The following HEXA variants were observed in gnomAD, a reference collection of about 807,000 sequenced individuals.
HEXA encodes hexosaminidase subunit alpha.
Under a neutral mutation model 73.3 loss-of-function variants are expected in HEXA, and 54 were observed. The observed-to-expected ratio is 0.74, with a 90% CI of 0.59 to 0.92. The LOEUF (loss-of-function observed/expected upper bound fraction) is 0.92, where lower values mean the gene tolerates loss of function less well. Among genes scored for constraint, HEXA ranks in the 40% least tolerant of loss-of-function variants. HEXA has a pLI of 0.00. For synonymous variants in HEXA, 230 were observed against 246.9 expected, an observed-to-expected ratio of 0.93 and a Z score of 0.64; for missense variants, 649 against 653.0, an observed-to-expected ratio of 0.99 and a Z score of 0.07.
intron 13 of HEXA, among the ~76,000 whole-genome samples, chr15:72,344,585 C>A (rs757960076): frequency 6.6e-6 from 1 of 152,134 alleles, no homozygotes; most frequent in South Asian, 2.1e-4. Context: ...AACATGGATG[C>A]GAAATCCTGT....
At chr15:72,363,521 C>A (rs1231563934) in intron 1 of HEXA, among the ~76,000 whole-genome samples, 2 of 152,194 alleles carry the variant, frequency 1.3e-5, no homozygotes, top group African/African-American at 4.8e-5. Context: ...TGTCAAACTT[C>A]TTATCCCAGT....
chr15:72,355,552 T>C lies in HEXA; in HGVS notation c.412+7A>G, dbSNP rs2088764993. 2 of 1,589,924 alleles carry C rather than the reference T, an allele frequency of 1.3e-6. No individual in the cohort carries two copies. The highest frequency in any genetic ancestry group is 1.7e-4 in the Middle Eastern group (1 of 6,014). On this transcript the variant is annotated splice_region_variant and intron_variant, in intron 3 of 13. Coordinates refer to ENST00000268097, the MANE Select transcript of HEXA (RefSeq NM_000520.6). ...TCTCTCTCTTTTAATCAGCCCCAAT[T>C]TGTTACCTCGGAGAGCTCCCCAGAC... is the stretch of plus-strand genomic sequence containing the variant.
At position 72,356,599 on chromosome 15, in the gene HEXA, T is replaced by A. The variant is rs753159773; in HGVS notation, c.272A>T (p.Glu91Val). 6.2e-7 allele frequency: 1 copy of A among 1,614,110 alleles called. No homozygotes were observed. Among genetic ancestry groups the A allele is most frequent in the Non-Finnish European group, 8.5e-7 (1 of 1,179,984 alleles). ...PYLTGKRHTL[E>V]KNVLVVSVVT... The stretch of plus-strand genomic sequence containing the variant: ...TACAGAGACAACCAACACATTCTTC[T>A]CCAGTGTATGCCGTTTCCCTAGGAA... The change falls in exon 2 of 14, where the codon GAG (glutamate) becomes GTG (valine). Residue 91 changes from glutamate to valine, a missense_variant. Physicochemically the swap from Glu to Val is moderately radical, Grantham distance 121. Transcript: ENST00000268097.
chr15:72,367,791 T>C (rs548956791), intron 1 of HEXA, among the ~76,000 whole-genome samples: 3 of 152,228 alleles, frequency 2.0e-5, no homozygotes, highest in African/African-American at 7.2e-5. Context: ...GTAGGCCTTT[T>C]CCACGCGCAG....
chr15:72,355,937 G>A, intron 2 of HEXA: 1 of 498,652 alleles, frequency 2.0e-6, no homozygotes, highest in Non-Finnish European at 3.9e-6. Flanking sequence ...ACAGCAGAAA[G>A]ATGAAAGAAG....
chr15:72,356,437 A>AGCATCAGCAGTTTAGGCCAG (rs1312562237), intron 2 of HEXA, 88 bp downstream of exon 2: 53 of 1,428,700 alleles, frequency 3.7e-5, no homozygotes, highest in Admixed American at 7.3e-5. Flanking sequence ...CTCCAGGCCG[A>AGCATCAGCAGTTTAGGCCAG]GCATCAGCAG....
chr15:72,345,533 A>G lies in HEXA; in HGVS notation c.1439T>C (p.Val480Ala), dbSNP rs376929315. The G allele has an allele frequency of 8.1e-6, 13 of 1,614,124 alleles. No homozygotes were observed. The highest frequency in any genetic ancestry group is 1.1e-5 in the South Asian group (1 of 91,094). Residue 480 changes from valine to alanine, a missense_variant, in exon 13 of 14, where the codon GTT becomes GCT. Physicochemically the swap from Val to Ala is moderately conservative, Grantham distance 64. Transcript: ENST00000268097. ...VPRLWPRAGA[V>A]AERLWSNKLT... is the part of the protein sequence containing the mutation. ...CTTGTTGCTCCACAGCCTTTCGGCA[A>G]CAGCCCCTGCTCTGGGCCTGGAGGA... is the stretch of plus-strand genomic sequence containing the variant.
Position 72,343,997 on chromosome 15 carries a change from C to CG in HEXA, c.*79dup, listed in dbSNP as rs751432099. The CG allele has an allele frequency of 8.0e-7, 1 of 1,245,934 alleles. No individual in the cohort carries two copies. The allele number at this position is 1,245,934 out of a possible 1,614,324, so 77.2% of individuals were successfully genotyped here. ...CAAGGGGCACGAAGGCAAGGGGCTC[C>CG]GTCCCCTGGCCAGGATGCAGTGGAA... On this transcript the variant is annotated 3_prime_UTR_variant, in exon 14 of 14. Transcript: ENST00000268097.
rs8037749 is a variant in HEXA at position 72,345,787 on chromosome 15, T to C, written c.1422-237A>G. ...CCACTCTCTTCCTCTCTCAAAGATATGGGAATAAGAATAAACCTTAAAGCC... is the reference window on the plus strand; with the variant it reads ...CCACTCTCTTCCTCTCTCAAAGATACGGGAATAAGAATAAACCTTAAAGCC... On this transcript the variant is annotated intron_variant, in intron 12 of 13. Coordinates refer to ENST00000268097, the MANE Select transcript of HEXA (RefSeq NM_000520.6). 570,172 of 593,996 alleles carry C rather than the reference T, an allele frequency of 0.96. 277,431 individuals are homozygous for C. The highest frequency in any genetic ancestry group is 1 in the East Asian group (34,175 of 34,182). The allele number at this position is 593,996 out of a possible 1,614,324, so 36.8% of individuals were successfully genotyped here. A position where few individuals can be genotyped will look rare whatever the true frequency, so the allele number is the denominator to read the frequency against.
intron 10 of HEXA, among the ~76,000 whole-genome samples, chr15:72,347,251 T>C (rs1002714845): frequency 6.0e-5 from 5 of 82,982 alleles, no homozygotes; most frequent in African/African-American, 1.5e-4. Flanking sequence ...CTCTGACACA[T>C]AAACCCAGGG....
chr15:72,344,880 G>T (rs769597319), intron 13 of HEXA, among the ~76,000 whole-genome samples: 6 of 152,220 alleles, frequency 3.9e-5, no homozygotes, highest in Non-Finnish European at 8.8e-5. Flanking sequence ...ATGACATCCT[G>T]TAAGTCAGCC....
chr15:72,344,274 T>C (rs1567294673), intron 13 of HEXA, 134 bp from the exon 14 acceptor site: 2 of 702,308 alleles, frequency 2.8e-6, no homozygotes, highest in South Asian at 1.5e-5. Flanking sequence ...CAAATGCACC[T>C]GGGAATCTCA....
chr15:72,348,760 G>C (rs1250895998), intron 8 of HEXA, among the ~76,000 whole-genome samples: 5 of 152,152 alleles, frequency 3.3e-5, no homozygotes. Flanking sequence ...TCTTCAACTA[G>C]ACAATTTTAA....
intron 3 of HEXA, chr15:72,354,229 C>G (rs2088741900): frequency 1.2e-5 from 2 of 164,498 alleles, no homozygotes; most frequent in African/African-American, 4.8e-5. Context: ...ATGGCTGGAC[C>G]TAGAAGATAA....
At chr15:72,375,082 G>T (rs1356620926) in intron 1 of HEXA, among the ~76,000 whole-genome samples, 1 of 141,772 alleles carries the variant, frequency 7.1e-6, no homozygotes, top group Non-Finnish European at 1.6e-5. Context: ...GTTTTGTTTT[G>T]TTTGGGGGGG....
intron 1 of HEXA, chr15:72,362,339 T>G: frequency 7.4e-6 from 3 of 406,962 alleles, no homozygotes; most frequent in Non-Finnish European, 1.5e-5. Flanking sequence ...CAAAACACTT[T>G]TCTTAAGATA....
intron 1 of HEXA, among the ~76,000 whole-genome samples, chr15:72,360,968 C>G (rs2088845555): frequency 6.6e-6 from 1 of 152,206 alleles, no homozygotes; most frequent in Non-Finnish European, 1.5e-5. Context: ...TGCTTCCTTA[C>G]AACCTATCTA....
chr15:72,364,818 ATTTT>A (rs762688276), intron 1 of HEXA, among the ~76,000 whole-genome samples: 1 of 133,118 alleles, frequency 7.5e-6, no homozygotes, highest in Admixed American at 7.5e-5. Context: ...TTTTAATTTA[ATTTT>A]TTTTTTTTTT....
intron 5 of HEXA, among the ~76,000 whole-genome samples, chr15:72,352,205 G>A (rs942073628): frequency 6.6e-6 from 1 of 152,084 alleles, no homozygotes; most frequent in African/African-American, 2.4e-5. Context: ...CAATCCACCC[G>A]CCTTGGCCTC....
Sources: gnomAD v4.1 joint callset for allele counts (sites outside exome capture counted in the v4.1 genomes callset) on GRCh38, gnomAD v4.1.1 for gene constraint, MANE v1.5 for transcripts, NCBI Gene and HGNC (gene_info 2026-07-23, HGNC 2026-07-21) for gene names.